The following SERPINA12 variants were observed in gnomAD, a reference collection of about 807,000 sequenced individuals.
SERPINA12 encodes the protein serpin family A member 12.
A neutral mutation model predicts 25.9 loss-of-function variants in SERPINA12; 21 were observed. The ratio of observed to expected loss-of-function variants is 0.81; its 90% CI spans 0.58 to 1.17. The LOEUF is 1.17. SERPINA12 is among the 50% of genes most tolerant of loss of function. The pLI is 0.00. For synonymous variants in SERPINA12, 220 were observed against 196.0 expected (o/e 1.12, Z -1.02); for missense variants, 562 against 508.3 (o/e 1.11, Z -1.02).
At chr14:94,503,448 C>T (rs1900815886) in intron 1 of SERPINA12, 3 of 340,522 alleles carry the variant, frequency 8.8e-6, no homozygotes, top group Non-Finnish European at 1.2e-5. Context: ...ATTGATGCTG[C>T]AGACTGACTC....
In SERPINA12 at chr14:94,487,398, C is replaced by T; in HGVS notation, c.1150G>A (p.Val384Ile). Residue 384 changes from valine to isoleucine, a missense_variant, in exon 5 of 5, where the codon GTC becomes ATC. Coordinates refer to ENST00000677451, the MANE Select transcript of SERPINA12 (RefSeq NM_001382267.1). ...AGCAGATAGGGTTTGTCTATCTTGA[C>T]GACGAGTGGTGTCTCCATGGGCAGA... is the stretch of plus-strand genomic sequence containing the variant. ...QTLPMETPLV[V>I]KIDKPYLLLI... is the part of the protein sequence containing the mutation. 7 of 1,614,098 alleles carry T rather than the reference C, an allele frequency of 4.3e-6. No individual in the cohort carries two copies. The highest frequency in any genetic ancestry group is 5.1e-6 in the Non-Finnish European group (6 of 1,179,978).
Position 94,497,890 on chromosome 14 carries a change from A to G in SERPINA12, c.508T>C (p.Leu170=). 6.2e-7 allele frequency: 1 copy of G among 1,614,134 alleles called. No individual in the cohort carries two copies. The highest frequency in any genetic ancestry group is 8.5e-7 in the Non-Finnish European group (1 of 1,180,040). ...TTGATCTGCTTCTGAGCCATTTCCAAATTCTGAAAGTTGGTAAGGATGGTT... is the reference window on the plus strand; with the variant it reads ...TTGATCTGCTTCTGAGCCATTTCCAGATTCTGAAAGTTGGTAAGGATGGTT... ...AETILTNFQN[L]EMAQKQINDF... Residue 170 remains leucine (L), a synonymous_variant, in exon 2 of 5, where the codon TTG becomes CTG. Transcript: ENST00000677451.
At chr14:94,490,328 G>T (rs962988049) in intron 3 of SERPINA12, among the ~76,000 whole-genome samples, 5 of 152,102 alleles carry the variant, frequency 3.3e-5, no homozygotes, top group African/African-American at 4.8e-5. Flanking sequence ...TGCGTAGCAG[G>T]TGCCCATCCT....
upstream of SERPINA12, chr14:94,510,063 GC>G: frequency 1.0e-6 from 1 of 985,414 alleles, no homozygotes; most frequent in South Asian, 4.7e-5. Flanking sequence ...ACGTCTCAGG[GC>G]CTGGGCCTGT....
intron 1 of SERPINA12, among the ~76,000 whole-genome samples, chr14:94,504,655 TAGATTCCGTTAGGA>T (rs1289897602): frequency 6.6e-6 from 1 of 152,214 alleles, no homozygotes; most frequent in African/African-American, 2.4e-5. Context: ...ACTAAATGCG[TAGATTCCGTTAGGA>T]AGAACAGGAA....
intron 3 of SERPINA12, among the ~76,000 whole-genome samples, chr14:94,490,483 A>T (rs1037241458): frequency 6.6e-6 from 1 of 151,302 alleles, no homozygotes; most frequent in African/African-American, 2.4e-5. Context: ...TTTCCCACCT[A>T]CCCAAGGATC....
At chr14:94,516,686 A>AC (rs1418103394) in intron 1 of SERPINA12, among the ~76,000 whole-genome samples, 1 of 151,910 alleles carries the variant, frequency 6.6e-6, no homozygotes, top group African/African-American at 2.4e-5. Flanking sequence ...TGGAACTATC[A>AC]CCCCCAACAT....
In SERPINA12 at chr14:94,496,555, C is replaced by T; in HGVS notation, c.723G>A (p.Met241Ile). Residue 241 changes from methionine (M) to isoleucine (I), a missense_variant, in exon 3 of 5, where the codon ATG becomes ATA. By Grantham distance (10) the Met-to-Ile change is conservative. Coordinates refer to ENST00000677451, the MANE Select transcript of SERPINA12 (RefSeq NM_001382267.1). ...EKNSSVKVPM[M>I]FRSGIYQVGY... is the part of the protein sequence containing the mutation. ...CAACTTGGTATATGCCACTACGGAA[C>T]ATCATGGGCACCTTGACTGAACTGT... 6.2e-7 allele frequency: 1 copy of T among 1,614,084 alleles called. No homozygotes were observed. The highest frequency in any genetic ancestry group is 8.5e-7 in the Non-Finnish European group (1 of 1,179,968).
In SERPINA12 at chr14:94,497,693, C is replaced by A. The variant is rs1900495487; in HGVS notation, c.634+71G>T. On this transcript the variant is annotated intron_variant, in intron 2 of 4. Coordinates refer to ENST00000677451, the MANE Select transcript of SERPINA12 (RefSeq NM_001382267.1). ...TCAAGGTCACAGAGTAAACAAGTGG[C>A]CAACCCAGGTTTTTAACCCAAGTCT... 3 of 1,455,520 alleles carry A rather than the reference C, an allele frequency of 2.1e-6. No individual in the cohort carries two copies. The East Asian group carries it at 6.8e-5, about 33-fold the overall frequency. 90.2% of individuals were successfully genotyped at this position (1,455,520 alleles called of 1,614,324 possible). A position where few individuals can be genotyped will look rare whatever the true frequency, so the allele number is the denominator to read the frequency against.
chr14:94,501,031 A>T (rs1243408719), intron 1 of SERPINA12: 1 of 985,332 alleles, frequency 1.0e-6, no homozygotes, highest in Non-Finnish European at 1.2e-6. Context: ...ACTTCTTGGT[A>T]AAACTTAATA....
chr14:94,506,433 A>G (rs1388734426), intron 1 of SERPINA12, among the ~76,000 whole-genome samples: 1 of 152,192 alleles, frequency 6.6e-6, no homozygotes, highest in Non-Finnish European at 1.5e-5. Context: ...CACAAGAGGC[A>G]CCTGATCCTA....
intron 3 of SERPINA12, among the ~76,000 whole-genome samples, chr14:94,494,156 A>C (rs1302007567): frequency 2.0e-5 from 3 of 152,156 alleles, no homozygotes; most frequent in Non-Finnish European, 1.5e-5. Context: ...TTCTGGATGA[A>C]GTGGGGTGGA....
upstream of SERPINA12, among the ~76,000 whole-genome samples, chr14:94,512,290 G>A (rs968624938): frequency 6.6e-6 from 1 of 152,194 alleles, no homozygotes; most frequent in African/African-American, 2.4e-5. Flanking sequence ...TACAGCCACA[G>A]CAAGCTGGGC....
intron 1 of SERPINA12, among the ~76,000 whole-genome samples, chr14:94,506,178 CT>C (rs1900927858): frequency 6.6e-6 from 1 of 152,180 alleles, no homozygotes; most frequent in African/African-American, 2.4e-5. Context: ...GCCTAAGGCA[CT>C]GGTCGGAGGC....
chr14:94,500,078 T>A (rs1411765694), intron 1 of SERPINA12, among the ~76,000 whole-genome samples: 1 of 152,184 alleles, frequency 6.6e-6, no homozygotes, highest in East Asian at 1.9e-4. Flanking sequence ...AGCAGATGAA[T>A]GAACACCAGG....
chr14:94,493,993 C>T (rs1448059366), intron 3 of SERPINA12, among the ~76,000 whole-genome samples: 1 of 152,136 alleles, frequency 6.6e-6, no homozygotes. Context: ...GCTGTAGCCC[C>T]ATGGAGAAAT....
chr14:94,507,550 C>T (rs1196341118), intron 1 of SERPINA12, among the ~76,000 whole-genome samples: 1 of 152,226 alleles, frequency 6.6e-6, no homozygotes, highest in Non-Finnish European at 1.5e-5. Flanking sequence ...TGAACAAATA[C>T]TTCACAAAAG....
intron 1 of SERPINA12, among the ~76,000 whole-genome samples, chr14:94,505,521 G>A (rs1241717356): frequency 2.0e-5 from 3 of 152,208 alleles, no homozygotes; most frequent in Non-Finnish European, 4.4e-5. Flanking sequence ...GGTTGCAGAG[G>A]AGACAGAAGG....
At chr14:94,498,567 G>A (rs1052179437) in intron 1 of SERPINA12, 137 bp from the exon 2 acceptor site, 20 of 673,430 alleles carry the variant, frequency 3.0e-5, no homozygotes, top group Non-Finnish European at 4.7e-5. Flanking sequence ...CCCCTTTATA[G>A]CATTTAAACT....
Sources: allele counts gnomAD v4.1 joint callset (sites outside exome capture counted in the v4.1 genomes callset), GRCh38; gene constraint gnomAD v4.1.1; transcripts MANE v1.5; gene names NCBI Gene and HGNC (gene_info 2026-07-23, HGNC 2026-07-21).